The following CMSS1 variants were observed in gnomAD, a reference collection of about 807,000 sequenced individuals.
CMSS1 encodes cms1 ribosomal small subunit homolog, also known as protein CMSS1.
A neutral mutation model predicts 43.5 loss-of-function variants in CMSS1; 33 were observed. The observed-to-expected ratio is 0.76, with a 90% CI of 0.57 to 1.01. The LOEUF (loss-of-function observed/expected upper bound fraction) is 1.01, where lower values mean the gene tolerates loss of function less well. Among genes scored for constraint, CMSS1 ranks in the 50% least tolerant of loss-of-function variants. The pLI is 0.00. For missense variants in CMSS1, 313 were observed against 326.4 expected (o/e 0.96, Z 0.32); for synonymous variants, 115 against 117.2 (o/e 0.98, Z 0.12).
At chr3:99,873,651 T>G (rs1705356651) in intron 1 of CMSS1, among the ~76,000 whole-genome samples, 1 of 152,174 alleles carries the variant, frequency 6.6e-6, no homozygotes, top group Non-Finnish European at 1.5e-5. Context: ...AATCCATTTA[T>G]TACCAAAGGC....
At chr3:100,055,095 A>G (rs2065442108) in intron 1 of CMSS1, among the ~76,000 whole-genome samples, 1 of 152,124 alleles carries the variant, frequency 6.6e-6, no homozygotes, top group Admixed American at 6.5e-5. Context: ...CTCCTGCCTC[A>G]GACTCTTACC....
In CMSS1 at chr3:100,179,115, G is replaced by C. The variant is rs1576125187; in HGVS notation, c.*727G>C. 6.6e-6 allele frequency: 1 copy of C among 152,214 alleles called. No homozygotes were observed. Among genetic ancestry groups the C allele is most frequent in the East Asian group, 1.9e-4 (1 of 5,188 alleles). 9.4% of individuals were successfully genotyped at this position (152,214 alleles called of 1,614,324 possible). On this transcript the variant is annotated 3_prime_UTR_variant, in exon 10 of 10. Coordinates refer to ENST00000421999, the MANE Select transcript of CMSS1 (RefSeq NM_032359.4). ...CATGAGAACAGCAGAACAGCAAGGG[G>C]AAAATCTGTCCCTATGATCCAGTCA...
chr3:99,925,829 A>G, intron 1 of CMSS1: 1 of 985,292 alleles, frequency 1.0e-6, no homozygotes, highest in Non-Finnish European at 1.2e-6. Context: ...CATCACAGTC[A>G]GATGGAGTTA....
intron 1 of CMSS1, chr3:99,929,846 T>G: frequency 6.2e-7 from 1 of 1,603,436 alleles, no homozygotes; most frequent in Non-Finnish European, 8.5e-7. Context: ...ACCCCTATTG[T>G]GGTACATACC....
chr3:100,128,056 C>T (rs1338194025), intron 1 of CMSS1, among the ~76,000 whole-genome samples: 1 of 152,182 alleles, frequency 6.6e-6, no homozygotes, highest in Admixed American at 6.5e-5. Context: ...GAACCTGGAC[C>T]AGGCCTCATG....
intron 1 of CMSS1, among the ~76,000 whole-genome samples, chr3:100,133,327 G>T (rs1368409415): frequency 1.3e-5 from 2 of 152,052 alleles, no homozygotes; most frequent in Non-Finnish European, 2.9e-5. Flanking sequence ...TTCCAGACAT[G>T]TAAAGCTATG....
At chr3:99,946,433 T>C (rs934731511) in intron 1 of CMSS1, among the ~76,000 whole-genome samples, 1 of 152,228 alleles carries the variant, frequency 6.6e-6, no homozygotes, top group Non-Finnish European at 1.5e-5. Context: ...GTGTGGCTGC[T>C]AAACAAAAGA....
chr3:99,928,515 C>T (rs537746272), intron 1 of CMSS1, among the ~76,000 whole-genome samples: 1 of 152,238 alleles, frequency 6.6e-6, no homozygotes, highest in South Asian at 2.1e-4. Flanking sequence ...CTTTCAGGGG[C>T]ACCTTACAGA....
chr3:100,139,539 G>A (rs2066785628), intron 1 of CMSS1, among the ~76,000 whole-genome samples: 2 of 146,810 alleles, frequency 1.4e-5, no homozygotes, highest in Non-Finnish European at 3.0e-5. Flanking sequence ...ATGTGTGTGT[G>A]TGTGTGTGTG....
chr3:99,931,976 A>C (rs1425807913), intron 1 of CMSS1, among the ~76,000 whole-genome samples: 2 of 152,228 alleles, frequency 1.3e-5, no homozygotes, highest in African/African-American at 4.8e-5. Context: ...CATCATCGCC[A>C]GTACCTTACT....
chr3:100,114,881 CT>C (rs1391536891), intron 1 of CMSS1: 1 of 1,175,700 alleles, frequency 8.5e-7, no homozygotes, highest in African/African-American at 1.5e-5. Context: ...TAAACATTCG[CT>C]ATTATTAACG....
At position 100,169,512 on chromosome 3, in the gene CMSS1, T is replaced by C. The variant is rs1363532369; in HGVS notation, c.518+1672T>C. ...ATATTCAATAGTTATTTACATCTGT[T>C]TTTTCTAAATGAACTAATCTAATCA... On this transcript the variant is annotated intron_variant, in intron 6 of 9. Coordinates refer to ENST00000421999, the MANE Select transcript of CMSS1 (RefSeq NM_032359.4). 1.3e-5 allele frequency among the ~76,000 whole-genome samples: 2 copies of C among 152,230 alleles called. 1 individual carries two copies. Among genetic ancestry groups the C allele is most frequent in the Admixed American group, 1.3e-4 (2 of 15,290 alleles).
chr3:99,860,669 A>G (rs569385422), intron 1 of CMSS1, among the ~76,000 whole-genome samples: 15 of 152,296 alleles, frequency 9.8e-5, no homozygotes, highest in South Asian at 8.3e-4. Context: ...CCATGCTGCT[A>G]TGAAAGGGCC....
chr3:99,879,896 A>AC (rs1367350202), intron 1 of CMSS1, among the ~76,000 whole-genome samples: 256 of 152,252 alleles, frequency 1.7e-3, no homozygotes, highest in Middle Eastern at 3.4e-3. Flanking sequence ...GGAGAGGTAT[A>AC]GTTCCATGGT....
At chr3:100,057,728 G>A (rs974501694) in intron 1 of CMSS1, among the ~76,000 whole-genome samples, 1 of 152,144 alleles carries the variant, frequency 6.6e-6, no homozygotes, top group East Asian at 1.9e-4. Context: ...GCATGCATTT[G>A]GTCGCAGAAG....
chr3:100,130,613 G>T (rs1406011703), intron 1 of CMSS1, among the ~76,000 whole-genome samples: 1 of 152,226 alleles, frequency 6.6e-6, no homozygotes, highest in East Asian at 1.9e-4. Context: ...ACCACCTAGA[G>T]TACGAACTAG....
At chr3:100,049,366 G>A (rs969534311) in intron 1 of CMSS1, among the ~76,000 whole-genome samples, 6 of 152,140 alleles carry the variant, frequency 3.9e-5, no homozygotes, top group African/African-American at 1.4e-4. Context: ...TACCAAAGTC[G>A]ATGAAGGATT....
intron 1 of CMSS1, among the ~76,000 whole-genome samples, chr3:99,834,819 A>C (rs908893008): frequency 1.3e-5 from 2 of 152,160 alleles, no homozygotes; most frequent in Admixed American, 6.5e-5. Context: ...TAGTTTTGGC[A>C]CTAACTAGCT....
At chr3:100,022,544 C>G (rs2064845024) in intron 1 of CMSS1, among the ~76,000 whole-genome samples, 1 of 152,172 alleles carries the variant, frequency 6.6e-6, no homozygotes, top group Non-Finnish European at 1.5e-5. Context: ...TATTCAAAGA[C>G]AGTTTCAGAC....
Sources: gnomAD v4.1 joint callset for allele counts (sites outside exome capture counted in the v4.1 genomes callset) on GRCh38, gnomAD v4.1.1 for gene constraint, MANE v1.5 for transcripts, NCBI Gene and HGNC (gene_info 2026-07-23, HGNC 2026-07-21) for gene names.